C4orf51: variants seen among roughly 807,000 people sequenced by gnomAD.
C4orf51 encodes the protein uncharacterized protein C4orf51.
C4orf51 carries 25 observed loss-of-function variants against 25.2 expected under a neutral mutation model. The ratio of observed to expected loss-of-function variants is 0.99; its 90% CI spans 0.72 to 1.39. The LOEUF (loss-of-function observed/expected upper bound fraction) is 1.39. Among genes scored for constraint, C4orf51 ranks in the 40% most tolerant of loss-of-function variants. The pLI is 0.00. For synonymous variants in C4orf51, 100 were observed against 84.5 expected, an observed-to-expected ratio of 1.18 and a Z score of -1.01; for missense variants, 252 against 239.6, an observed-to-expected ratio of 1.05 and a Z score of -0.34.
intron 1 of C4orf51, among the ~76,000 whole-genome samples, chr4:145,694,135 C>G (rs1386032558): frequency 3.6e-5 from 3 of 82,918 alleles, no homozygotes; most frequent in Non-Finnish European, 6.6e-5. Flanking sequence ...CTCCCCACAT[C>G]TCAGACGATC....
At chr4:145,773,967 A>C (rs1736660277), downstream of C4orf51, among the ~76,000 whole-genome samples, 1 of 152,134 alleles carries the variant, frequency 6.6e-6, no homozygotes, top group Non-Finnish European at 1.5e-5. Context: ...CAAGCTCTGG[A>C]ATGAAAACTG....
the C4orf51 span, among the ~76,000 whole-genome samples, chr4:145,778,378 C>T: frequency 6.6e-6 from 1 of 152,234 alleles, no homozygotes; most frequent in Non-Finnish European, 1.5e-5. Context: ...AGGTGATCCA[C>T]CTGCCTTGGC....
At chr4:145,691,668 A>G (rs1447718726) in intron 1 of C4orf51, among the ~76,000 whole-genome samples, 5 of 152,228 alleles carry the variant, frequency 3.3e-5, no homozygotes, top group Admixed American at 6.5e-5. Context: ...TGTTAAGTGA[A>G]TTAATGCAGA....
downstream of C4orf51, chr4:145,774,440 G>A (rs6832691): frequency 8.1e-3 from 12,490 of 1,539,950 alleles, 809 homozygotes; most frequent in African/African-American, 0.15. Context: ...CTTCGGCCAG[G>A]TGGCAGGTGC....
chr4:145,791,465 G>A, the C4orf51 span, among the ~76,000 whole-genome samples: 2 of 152,156 alleles, frequency 1.3e-5, no homozygotes, highest in Non-Finnish European at 2.9e-5. Flanking sequence ...AGCTAGGAGA[G>A]GAGGAAAGGG....
downstream of C4orf51, among the ~76,000 whole-genome samples, chr4:145,772,040 C>T (rs896563137): frequency 6.6e-6 from 1 of 152,124 alleles, no homozygotes; most frequent in Admixed American, 6.5e-5. Context: ...GAACCTGGAT[C>T]GAGAATTCAG....
At chr4:145,776,547 C>G in the C4orf51 span, among the ~76,000 whole-genome samples, 1 of 151,348 alleles carries the variant, frequency 6.6e-6, no homozygotes, top group Non-Finnish European at 1.5e-5. Context: ...GCCCATTTTC[C>G]TGATAAGGTA....
At chr4:145,775,940 G>A, downstream of C4orf51, 1 of 1,614,138 alleles carries the variant, frequency 6.2e-7, no homozygotes, top group East Asian at 2.2e-5. Context: ...GGGCACAAGT[G>A]GCATTTGTAT....
chr4:145,791,724 T>A, the C4orf51 span, among the ~76,000 whole-genome samples: 1 of 152,348 alleles, frequency 6.6e-6, no homozygotes, highest in South Asian at 2.1e-4. Flanking sequence ...TATTTAGCAC[T>A]GATTTTACTC....
chr4:145,726,357 C>T (rs141836927), intron 2 of C4orf51, among the ~76,000 whole-genome samples: 1 of 152,182 alleles, frequency 6.6e-6, no homozygotes, highest in Admixed American at 6.5e-5. Flanking sequence ...CGAAAATATT[C>T]AATTTTCCAG....
chr4:145,774,550 A>T, downstream of C4orf51: 1 of 1,612,618 alleles, frequency 6.2e-7, no homozygotes, highest in Non-Finnish European at 8.5e-7. Context: ...TGCTTCCTCC[A>T]TGGTGACGAA....
At chr4:145,708,007 G>A (rs1483600335) in intron 2 of C4orf51, among the ~76,000 whole-genome samples, 1 of 152,198 alleles carries the variant, frequency 6.6e-6, no homozygotes, top group East Asian at 1.9e-4. Context: ...CGACTTTCTG[G>A]CAGAAGGGGC....
At chr4:145,748,324 C>T (rs1220192506) in intron 1 of C4orf51, among the ~76,000 whole-genome samples, 2 of 151,954 alleles carry the variant, frequency 1.3e-5, no homozygotes, top group Non-Finnish European at 2.9e-5. Flanking sequence ...ATTTGTTTAG[C>T]TTTTCAGAAA....
rs963592372 is a variant in C4orf51, at chr4:145,765,701, G to C, written n.167-5287G>C. ...TCAGAGCTGAGAGGGAGGATGAAGA[G>C]GGGCTATTTGATTCGCTGGGGGTCT... On this transcript the variant is annotated intron_variant and non_coding_transcript_variant, in intron 1 of 1. Coordinates refer to the C4orf51 transcript ENST00000510096. This position sits in a 1 kb window ranked among gnomAD's most constrained non-coding sequence, Gnocchi z 4.7. The C allele has an allele frequency of 8.7e-6, 14 of 1,614,106 alleles. No individual in the cohort carries two copies. Among genetic ancestry groups the C allele is most frequent in the Non-Finnish European group, 1.2e-5 (14 of 1,180,010 alleles).
intron 2 of C4orf51, among the ~76,000 whole-genome samples, chr4:145,712,994 C>A (rs1391393691): frequency 6.6e-6 from 1 of 152,174 alleles, no homozygotes; most frequent in Non-Finnish European, 1.5e-5. Context: ...GACAACAAAG[C>A]CCGAATGACA....
At chr4:145,786,361 C>T in the C4orf51 span, among the ~76,000 whole-genome samples, 1 of 152,110 alleles carries the variant, frequency 6.6e-6, no homozygotes, top group Non-Finnish European at 1.5e-5. Flanking sequence ...CTTTATTTGG[C>T]GACAGCTGTA....
chr4:145,698,210 G>T (rs1730197005), intron 2 of C4orf51, among the ~76,000 whole-genome samples: 1 of 152,184 alleles, frequency 6.6e-6, no homozygotes, highest in Non-Finnish European at 1.5e-5. Flanking sequence ...TACACCAAAA[G>T]TATCTGAGAC....
At position 145,742,034 on chromosome 4, in the gene C4orf51, A is replaced by C. The variant is rs762270257; in HGVS notation, n.167+9415A>C. On this transcript the variant is annotated intron_variant and non_coding_transcript_variant, in intron 1 of 1. Coordinates refer to the C4orf51 transcript ENST00000508981. ...TTTATTTCTTTCAGTACTAAACTCAATACAAGGGTAGACTTTTCTCTTTGT... is the reference window on the plus strand; with the variant it reads ...TTTATTTCTTTCAGTACTAAACTCACTACAAGGGTAGACTTTTCTCTTTGT... 6.6e-5 allele frequency among the ~76,000 whole-genome samples: 10 copies of C among 152,280 alleles called. No individual in the cohort carries two copies. In the East Asian group the frequency reaches 1.9e-3, roughly 29 times the overall value.
intron 2 of C4orf51, among the ~76,000 whole-genome samples, chr4:145,697,842 G>A (rs1730172186): frequency 6.6e-6 from 1 of 152,188 alleles, no homozygotes; most frequent in Non-Finnish European, 1.5e-5. Flanking sequence ...GCTCTTCGAG[G>A]TCGTGATTTT....
Sources: allele counts gnomAD v4.1 joint callset (sites outside exome capture counted in the v4.1 genomes callset), GRCh38; gene constraint gnomAD v4.1.1; non-coding constraint Gnocchi (gnomAD v3.1); transcripts MANE v1.5; gene names NCBI Gene and HGNC (gene_info 2026-07-23, HGNC 2026-07-21).